The following NACC2 variants were observed in gnomAD, a reference collection of about 807,000 sequenced individuals.
NACC2 encodes NACC family member 2.
A neutral mutation model predicts 25.1 loss-of-function variants in NACC2; 8 were observed. The observed-to-expected ratio is 0.32, with a 90% CI of 0.19 to 0.57. The LOEUF (loss-of-function observed/expected upper bound fraction) is 0.57. NACC2 is among the 20% of genes least tolerant of loss of function. The probability of loss-of-function intolerance (pLI) is 0.89; values close to 1 mark genes in which losing one functional copy is unlikely to be tolerated. For missense variants in NACC2, 644 were observed against 650.2 expected (o/e 0.99, Z 0.10); for synonymous variants, 435 against 294.7 (o/e 1.48, Z -4.88).
chr9:136,086,843 T>C lies in NACC2; in HGVS notation c.-60+8346A>G, dbSNP rs951862531. 6.6e-6 allele frequency among the ~76,000 whole-genome samples: 1 copy of C among 152,170 alleles called. No homozygotes were observed. Among genetic ancestry groups the C allele is most frequent in the African/African-American group, 2.4e-5 (1 of 41,442 alleles). ...TGTCTGTGCCTGGCTCCTCCCACTG[T>C]CCTGGGCAAGTGCAGAGCCAGCCCC... is the stretch of plus-strand genomic sequence containing the variant. On this transcript the variant is annotated intron_variant, in intron 1 of 5. Coordinates refer to ENST00000277554, the MANE Select transcript of NACC2 (RefSeq NM_144653.5). The surrounding 1 kb of genome is among the most constrained non-coding windows in gnomAD (Gnocchi z 5.6).
chr9:136,021,857 G>A (rs1230436660), intron 2 of NACC2, among the ~76,000 whole-genome samples: 1 of 152,240 alleles, frequency 6.6e-6, no homozygotes, highest in African/African-American at 2.4e-5. Context: ...TTACATACTG[G>A]TGATCCCATT....
At chr9:136,051,858 A>C (rs1470501570) in intron 1 of NACC2, among the ~76,000 whole-genome samples, 8 of 135,852 alleles carry the variant, frequency 5.9e-5, no homozygotes, top group Admixed American at 2.2e-4. Flanking sequence ...TGGGGCGGGG[A>C]GGGCGCAGGG....
intron 1 of NACC2, among the ~76,000 whole-genome samples, chr9:136,075,460 G>A (rs1049643449): frequency 2.0e-5 from 3 of 152,250 alleles, no homozygotes; most frequent in Admixed American, 1.3e-4. Context: ...TTTCGTAGAC[G>A]TCGGCAGCGG....
At chr9:136,012,122 C>T (rs563500101) in intron 5 of NACC2, 98 bp from the exon 6 acceptor site, 161 of 1,394,682 alleles carry the variant, frequency 1.2e-4, no homozygotes, top group African/African-American at 5.0e-4. Flanking sequence ...TGAGCCTCCC[C>T]GGCCGCTCCT....
At chr9:136,066,684 G>A (rs990371075) in intron 1 of NACC2, among the ~76,000 whole-genome samples, 7 of 152,154 alleles carry the variant, frequency 4.6e-5, no homozygotes, top group African/African-American at 1.7e-4. Context: ...AACTTGTTTG[G>A]AGTGTCCTAG....
Position 136,011,671 on chromosome 9 carries a change from A to AGCC in NACC2, c.1606_1608dup (p.Gly536dup). On this transcript the variant is annotated inframe_insertion, in exon 6 of 6. Transcript: ENST00000277554. The stretch of plus-strand genomic sequence containing the variant: ...GGGGCGGCCACCTCCTGGATGACCG[A>AGCC]GCCAGCCCCGTCCACCTCCTCGCCG... 7.0e-7 allele frequency: 1 copy of AGCC among 1,436,922 alleles called. No homozygotes were observed. The highest frequency in any genetic ancestry group is 9.1e-7 in the Non-Finnish European group (1 of 1,098,536). 89.0% of individuals were successfully genotyped at this position (1,436,922 alleles called of 1,614,324 possible).
At chr9:136,068,323 C>T (rs1841111527) in intron 1 of NACC2, among the ~76,000 whole-genome samples, 1 of 151,752 alleles carries the variant, frequency 6.6e-6, no homozygotes, top group Admixed American at 6.6e-5. Context: ...CATGGCAAAA[C>T]CCTGTCTCTA....
chr9:136,076,871 G>C (rs1030672781), intron 1 of NACC2, among the ~76,000 whole-genome samples: 1 of 152,014 alleles, frequency 6.6e-6, no homozygotes, highest in African/African-American at 2.4e-5. Flanking sequence ...TTAGCCGGGC[G>C]TGGTGGCGGG....
intron 1 of NACC2, among the ~76,000 whole-genome samples, chr9:136,059,163 C>T (rs1485428666): frequency 6.6e-6 from 1 of 152,216 alleles, no homozygotes; most frequent in Non-Finnish European, 1.5e-5. Context: ...TTAGCTGGGA[C>T]ATCTGGGGGC....
chr9:136,031,323 C>G (rs1377724768), intron 2 of NACC2, among the ~76,000 whole-genome samples: 1 of 96,126 alleles, frequency 1.0e-5, no homozygotes, highest in South Asian at 2.9e-4. Context: ...TACTCCACAG[C>G]CTCATTCATT....
At chr9:136,047,543 G>A (rs1041246459) in intron 2 of NACC2, among the ~76,000 whole-genome samples, 8 of 152,330 alleles carry the variant, frequency 5.3e-5, no homozygotes, top group African/African-American at 1.9e-4. Flanking sequence ...TGCAAAGGCA[G>A]AGAATGCCGC....
At chr9:136,050,658 C>G (rs1840815824) in intron 1 of NACC2, 78 bp from the exon 2 acceptor site, 5 of 654,732 alleles carry the variant, frequency 7.6e-6, no homozygotes, top group Non-Finnish European at 1.4e-5. Flanking sequence ...CCACCCCCTC[C>G]TCCCCCGCCG....
intron 1 of NACC2, among the ~76,000 whole-genome samples, chr9:136,080,447 C>T (rs541524559): frequency 7.0e-4 from 106 of 152,308 alleles, no homozygotes; most frequent in African/African-American, 2.4e-3. Context: ...TGGCGCACGC[C>T]TGCAATCCCA....
chr9:136,046,690 A>G (rs1840730552), intron 2 of NACC2, among the ~76,000 whole-genome samples: 1 of 152,180 alleles, frequency 6.6e-6, no homozygotes, highest in Admixed American at 6.5e-5. Flanking sequence ...AACTGAAAAC[A>G]ACCTGAATGT....
intron 1 of NACC2, among the ~76,000 whole-genome samples, chr9:136,071,568 A>T (rs1345562444): frequency 8.0e-6 from 1 of 124,972 alleles, no homozygotes; most frequent in Non-Finnish European, 1.7e-5. Flanking sequence ...AAAAAAAAAT[A>T]CCAGCAAGAC....
intron 2 of NACC2, 91 bp from the exon 3 acceptor site, chr9:136,016,520 C>G: frequency 1.3e-6 from 2 of 1,489,938 alleles, no homozygotes; most frequent in Admixed American, 3.6e-5. Context: ...TCCCTGGGGC[C>G]TGTGTTAGAC....
intron 1 of NACC2, among the ~76,000 whole-genome samples, chr9:136,093,935 G>C (rs1004642838): frequency 1.3e-5 from 2 of 152,252 alleles, no homozygotes; most frequent in Admixed American, 1.3e-4. Flanking sequence ...TGGAGAACAG[G>C]AGGGAAGGAG....
At chr9:136,079,068 T>C (rs1402288783) in intron 1 of NACC2, among the ~76,000 whole-genome samples, 1 of 152,206 alleles carries the variant, frequency 6.6e-6, no homozygotes, top group East Asian at 1.9e-4. Flanking sequence ...CTTTTTTTTT[T>C]TTTTAAGTGC....
intron 1 of NACC2, among the ~76,000 whole-genome samples, chr9:136,089,793 A>G (rs1469309383): frequency 6.7e-6 from 1 of 150,262 alleles, no homozygotes; most frequent in East Asian, 1.9e-4. Context: ...CTTTTTTATT[A>G]AAAAAAAATC....
Sources: gnomAD v4.1 joint callset for allele counts (sites outside exome capture counted in the v4.1 genomes callset) on GRCh38, gnomAD v4.1.1 for gene constraint, Gnocchi (gnomAD v3.1) non-coding constraint, MANE v1.5 for transcripts, NCBI Gene and HGNC (gene_info 2026-07-23, HGNC 2026-07-21) for gene names.